Variants in OSBPL9 observed in about 807,000 individuals in gnomAD.
The protein encoded by OSBPL9 is oxysterol-binding protein-related protein 9.
OSBPL9 carries 40 observed loss-of-function variants against 106.6 expected under a neutral mutation model. The ratio of observed to expected loss-of-function variants is 0.38; its 90% confidence interval spans 0.29 to 0.49. OSBPL9 has a LOEUF of 0.49. Ranked by LOEUF, OSBPL9 falls within the 20% of genes least tolerant of loss-of-function variation. The pLI is 0.97. For synonymous variants in OSBPL9, 269 were observed against 295.4 expected (o/e 0.91, Z 0.92); for missense variants, 609 against 887.2 (o/e 0.69, Z 3.98).
At chr1:51,726,709 C>T (rs775353625) in intron 4 of OSBPL9, among the ~76,000 whole-genome samples, 2 of 152,088 alleles carry the variant, frequency 1.3e-5, no homozygotes, top group Non-Finnish European at 2.9e-5. Flanking sequence ...TGGAAATCAC[C>T]TGTCACATAT....
intron 6 of OSBPL9, 68 bp downstream of exon 6, chr1:51,746,825 T>TA: frequency 9.6e-6 from 12 of 1,245,874 alleles, no homozygotes; most frequent in Non-Finnish European, 1.4e-5. Context: ...ACACTAAGTA[T>TA]CTTAGTGTGT....
chr1:51,607,370 C>T (rs1643956216), intron 2 of OSBPL9, among the ~76,000 whole-genome samples: 1 of 151,986 alleles, frequency 6.6e-6, no homozygotes, highest in Non-Finnish European at 1.5e-5. Flanking sequence ...CCATGTTGGC[C>T]AGGCTGATCT....
At chr1:51,639,397 A>G (rs1260652425) in intron 1 of OSBPL9, among the ~76,000 whole-genome samples, 1 of 152,210 alleles carries the variant, frequency 6.6e-6, no homozygotes, top group African/African-American at 2.4e-5. Flanking sequence ...CAGTGTTTAC[A>G]TTTATGCGTA....
intron 2 of OSBPL9, among the ~76,000 whole-genome samples, chr1:51,667,406 T>C (rs2148755322): frequency 6.6e-6 from 1 of 152,278 alleles, no homozygotes; most frequent in South Asian, 2.1e-4. Flanking sequence ...CAACCACTAA[T>C]CTACTGTCAG....
At chr1:51,663,940 G>A (rs1338386430) in intron 2 of OSBPL9, among the ~76,000 whole-genome samples, 1 of 152,186 alleles carries the variant, frequency 6.6e-6, no homozygotes, top group Non-Finnish European at 1.5e-5. Context: ...ATGATGAGAT[G>A]TCACTACTTA....
chr1:51,555,756 A>T, the OSBPL9 span, among the ~76,000 whole-genome samples: 1 of 151,772 alleles, frequency 6.6e-6, no homozygotes, highest in Non-Finnish European at 1.5e-5. Flanking sequence ...ATTTTAGTAG[A>T]GACAGGGTTT....
chr1:51,658,504 C>CT (rs1400388078), intron 2 of OSBPL9, among the ~76,000 whole-genome samples: 3 of 152,044 alleles, frequency 2.0e-5, no homozygotes, highest in Non-Finnish European at 2.9e-5. Context: ...TATTATACAT[C>CT]TTTGAAAACT....
chr1:51,768,474 A>G (rs1359492858), intron 12 of OSBPL9, among the ~76,000 whole-genome samples: 2 of 152,234 alleles, frequency 1.3e-5, no homozygotes, highest in African/African-American at 2.4e-5. Flanking sequence ...TCGGCCTCCC[A>G]AAGTGCTGGG....
At chr1:51,656,000 A>G (rs768694929) in intron 2 of OSBPL9, among the ~76,000 whole-genome samples, 6 of 152,240 alleles carry the variant, frequency 3.9e-5, no homozygotes, top group Non-Finnish European at 7.3e-5. Flanking sequence ...TTTGTTTACA[A>G]TACAGTTACC....
At chr1:51,638,545 A>C (rs1645593080) in intron 1 of OSBPL9, among the ~76,000 whole-genome samples, 1 of 151,872 alleles carries the variant, frequency 6.6e-6, no homozygotes, top group African/African-American at 2.4e-5. Context: ...CAACATAGTG[A>C]GACTCTACCT....
At position 51,785,881 on chromosome 1, in the gene OSBPL9, A is replaced by G. The variant is rs150997721; in HGVS notation, c.1903A>G (p.Thr635Ala). 2 of 1,610,488 alleles carry G rather than the reference A, an allele frequency of 1.2e-6. No homozygotes were observed. Among genetic ancestry groups the G allele is most frequent in the Non-Finnish European group, 8.5e-7 (1 of 1,179,058 alleles). ...WNGVMYAKYA[T>A]GENTVFVDTK... ...TGGTGTGATGTATGCAAAATATGCA[A>G]CAGGGGTAAGATCCTCTATTTTGCC... The change falls in exon 21 of 24, where the codon ACA (threonine) becomes GCA (alanine). Residue 635 changes from threonine (T) to alanine (A), a missense_variant. This residue lies in a region of OSBPL9 where 132 missense variants were observed against 158.1 expected (regional missense o/e 0.83). Coordinates refer to ENST00000428468, the MANE Select transcript of OSBPL9 (RefSeq NM_024586.6).
chr1:51,596,216 G>C (rs2148602664), intron 1 of OSBPL9, among the ~76,000 whole-genome samples: 1 of 142,012 alleles, frequency 7.0e-6, no homozygotes, highest in East Asian at 2.1e-4. Flanking sequence ...CCAAGATTCT[G>C]CTACTGCACT....
chr1:51,784,442 G>A lies in OSBPL9; in HGVS notation c.1689G>A (p.Arg563=), dbSNP rs1039519387. The change falls in exon 20 of 24, where the codon AGG becomes AGA. Residue 563 remains arginine, a splice_region_variant and synonymous_variant. Transcript: ENST00000428468. ...YILTFPNGYG[R]SILTVPWVEL... ...TACCTAAAAACTTTTGATTTTGCAGGTCTATCCTCACAGTGCCCTGGGTGG... is the reference window on the plus strand; with the variant it reads ...TACCTAAAAACTTTTGATTTTGCAGATCTATCCTCACAGTGCCCTGGGTGG... The A allele has an allele frequency of 5.6e-6, 9 of 1,613,944 alleles. No individual in the cohort carries two copies. Among genetic ancestry groups the A allele is most frequent in the Non-Finnish European group, 6.8e-6 (8 of 1,179,980 alleles).
chr1:51,779,668 A>G (rs1281061605), intron 15 of OSBPL9, among the ~76,000 whole-genome samples: 1 of 152,222 alleles, frequency 6.6e-6, no homozygotes, highest in Admixed American at 6.5e-5. Context: ...TCCAGAATCT[A>G]CAAGGAACTC....
chr1:51,733,765 ACT>A (rs988122610), intron 4 of OSBPL9, among the ~76,000 whole-genome samples: 1 of 150,942 alleles, frequency 6.6e-6, no homozygotes, highest in Admixed American at 6.6e-5. Flanking sequence ...ACAGAGCGAG[ACT>A]CTGTCTCAAA....
At chr1:51,649,711 C>G (rs1008508311) in intron 1 of OSBPL9, among the ~76,000 whole-genome samples, 4 of 133,254 alleles carry the variant, frequency 3.0e-5, no homozygotes, top group African/African-American at 1.1e-4. Context: ...TATTTTTGCT[C>G]TATTACGATT....
chr1:51,571,958 A>C, the OSBPL9 span, among the ~76,000 whole-genome samples: 1 of 152,046 alleles, frequency 6.6e-6, no homozygotes, highest in Non-Finnish European at 1.5e-5. Flanking sequence ...CAACCAAGAA[A>C]CCACACTGAG....
intron 8 of OSBPL9, among the ~76,000 whole-genome samples, chr1:51,750,413 A>G (rs1488298617): frequency 6.6e-6 from 1 of 152,200 alleles, no homozygotes; most frequent in Non-Finnish European, 1.5e-5. Context: ...GGAGGGGAGC[A>G]TGTTTGAATG....
At chr1:51,611,880 C>CA (rs543655489) in intron 2 of OSBPL9, among the ~76,000 whole-genome samples, 34 of 152,316 alleles carry the variant, frequency 2.2e-4, no homozygotes, top group African/African-American at 7.9e-4. Context: ...GAGGCTGAGG[C>CA]AGGAGAATCG....
Sources: gnomAD v4.1 joint callset for allele counts (sites outside exome capture counted in the v4.1 genomes callset) on GRCh38, gnomAD v4.1.1 for gene constraint, gnomAD v4.1.1 regional missense constraint, MANE v1.5 for transcripts, NCBI Gene and HGNC (gene_info 2026-07-23, HGNC 2026-07-21) for gene names.